Variants in CCNT2 observed in about 807,000 individuals in gnomAD.
CCNT2 encodes cyclin T2.
Under a neutral mutation model 70.0 loss-of-function variants are expected in CCNT2, and 18 were observed. The ratio of observed to expected loss-of-function variants is 0.26; its 90% CI spans 0.18 to 0.38. The LOEUF (loss-of-function observed/expected upper bound fraction) is 0.38. Ranked by LOEUF, CCNT2 falls within the 10% of genes least tolerant of loss-of-function variation. The pLI is 1.00. For missense variants in CCNT2, 734 were observed against 890.2 expected, an observed-to-expected ratio of 0.82 and a Z score of 2.23; for synonymous variants, 334 against 313.3, an observed-to-expected ratio of 1.07 and a Z score of -0.70.
At chr2:134,919,125 C>T in intron 1 of CCNT2, 113 bp downstream of exon 1, 1 of 1,225,062 alleles carries the variant, frequency 8.2e-7, no homozygotes, top group Admixed American at 2.7e-5. Context: ...GCCTCGGCGC[C>T]GCGGTCAGGG....
intron 2 of CCNT2, among the ~76,000 whole-genome samples, chr2:134,924,821 T>G (rs1011314866): frequency 6.6e-6 from 1 of 152,160 alleles, no homozygotes; most frequent in Non-Finnish European, 1.5e-5. Flanking sequence ...ACCATAGACC[T>G]TGCTCATTAT....
Position 134,938,975 on chromosome 2 carries a change from CAATTTGATAATATTTTT to C in CCNT2, c.370-25_370-9del. On this transcript the variant is annotated splice_polypyrimidine_tract_variant and intron_variant, in intron 3 of 8. Transcript: ENST00000264157. ...CTAGTAATGTTATTTTTATTTTAAT[CAATTTGATAATATTTTT>C]ATCTGACAGGCTTACCTTCAACAGA... is the stretch of plus-strand genomic sequence containing the variant. The C allele has an allele frequency of 1.4e-6, 2 of 1,473,394 alleles. No homozygotes were observed. The highest frequency in any genetic ancestry group is 1.9e-6 in the Non-Finnish European group (2 of 1,054,656). 91.3% of individuals were successfully genotyped at this position (1,473,394 alleles called of 1,614,324 possible).
intron 4 of CCNT2, 60 bp downstream of exon 4, chr2:134,939,122 A>T (rs1203959469): frequency 5.4e-6 from 6 of 1,107,174 alleles, no homozygotes; most frequent in African/African-American, 3.1e-5. Context: ...ATTCTAAATA[A>T]GTGAAAAGAT....
chr2:134,944,150 C>T, intron 5 of CCNT2: 1 of 983,924 alleles, frequency 1.0e-6, no homozygotes, highest in Non-Finnish European at 1.2e-6. Context: ...ATGGTTATAT[C>T]AGCGTGTTTT....
intron 3 of CCNT2, among the ~76,000 whole-genome samples, chr2:134,937,435 T>A (rs1043185303): frequency 1.3e-5 from 2 of 152,234 alleles, no homozygotes; most frequent in East Asian, 3.8e-4. Flanking sequence ...CTCTGATACA[T>A]AAAGCTGCAT....
At chr2:134,942,558 C>T in intron 4 of CCNT2, 54 bp from the exon 5 acceptor site, 1 of 1,254,276 alleles carries the variant, frequency 8.0e-7, no homozygotes, top group Non-Finnish European at 1.1e-6. Flanking sequence ...TGGCATTTCT[C>T]AGGCAAGTAC....
chr2:134,939,496 C>T (rs964363312), intron 4 of CCNT2, among the ~76,000 whole-genome samples: 27 of 152,022 alleles, frequency 1.8e-4, no homozygotes, highest in African/African-American at 6.3e-4. Context: ...GACGGAGTCT[C>T]GCTCTGTCGC....
intron 5 of CCNT2, 91 bp downstream of exon 5, chr2:134,942,765 G>T: frequency 7.1e-7 from 1 of 1,413,032 alleles, no homozygotes; most frequent in South Asian, 1.4e-5. Flanking sequence ...CTAGCCTTTT[G>T]TTAGGTTTCA....
chr2:134,953,368 T>C lies in CCNT2; in HGVS notation c.913T>C (p.Ser305Pro), dbSNP rs758709203. 2.6e-5 allele frequency: 41 copies of C among 1,602,886 alleles called. No individual in the cohort carries two copies. The highest frequency in any genetic ancestry group is 3.2e-5 in the Non-Finnish European group (37 of 1,174,002). The part of the protein sequence containing the change: ...VPTNPSFQKP[S>P]TSAFPAPVPL... Reference sequence around the variant, plus strand: ...TACAAACCCAAGTTTTCAGAAACCATCTACATCAGCATTCCCTGCGCCAGT... The same window carrying C: ...TACAAACCCAAGTTTTCAGAAACCACCTACATCAGCATTCCCTGCGCCAGT... Residue 305 changes from serine to proline, a missense_variant, in exon 9 of 9, where the codon TCT becomes CCT. By Grantham distance (74) the Ser-to-Pro change is moderately conservative. Transcript: ENST00000264157.
chr2:134,942,587 GAA>G (rs750416111), intron 4 of CCNT2, 23 bp from the exon 5 acceptor site: 9 of 1,586,316 alleles, frequency 5.7e-6, no homozygotes, highest in Non-Finnish European at 7.8e-6. Context: ...TAAGAGATTG[GAA>G]AAAAAAGTGC....
chr2:134,952,927 CA>C (rs1682634637), intron 8 of CCNT2: 7 of 492,696 alleles, frequency 1.4e-5, no homozygotes, highest in Non-Finnish European at 2.1e-5. Flanking sequence ...GTGATTATGA[CA>C]AAAGTATCCT....
chr2:134,919,632 G>T (rs1477053572), intron 1 of CCNT2, among the ~76,000 whole-genome samples, 178 bp from the exon 2 acceptor site: 1 of 152,066 alleles, frequency 6.6e-6, no homozygotes, highest in East Asian at 1.9e-4. Flanking sequence ...TTTATTTGGC[G>T]TCAAGCCTAT....
In CCNT2 at chr2:134,944,377, T is replaced by C. The variant is rs188199354; in HGVS notation, c.493+1703T>C. 560 of 966,882 alleles carry C rather than the reference T, an allele frequency of 5.8e-4. 1 individual carries two copies. Among genetic ancestry groups the C allele is most frequent in the Non-Finnish European group, 6.2e-4 (501 of 813,218 alleles). The allele number at this position is 966,882 out of a possible 1,614,324, so 59.9% of individuals were successfully genotyped here. The stretch of plus-strand genomic sequence containing the variant: ...AAGTACTAGTATATGTTTAAAAATA[T>C]TACTTGTGAATATTAACTTAGGAAA... On this transcript the variant is annotated intron_variant, in intron 5 of 8. Coordinates refer to ENST00000264157, the MANE Select transcript of CCNT2 (RefSeq NM_058241.3).
chr2:134,943,647 T>A, intron 5 of CCNT2: 4 of 982,014 alleles, frequency 4.1e-6, no homozygotes, highest in Non-Finnish European at 4.8e-6. Context: ...TGGTAGTATC[T>A]GATACAGCAT....
Position 134,954,481 on chromosome 2 carries a change from G to T in CCNT2, c.2026G>T (p.Val676Leu), listed in dbSNP as rs1161397670. The T allele has an allele frequency of 1.2e-6, 2 of 1,613,918 alleles. No individual in the cohort carries two copies. Among genetic ancestry groups the T allele is most frequent in the Non-Finnish European group, 8.5e-7 (1 of 1,180,000 alleles). The change falls in exon 9 of 9, where the codon GTG becomes TTG. Residue 676 changes from valine to leucine, a missense_variant. By Grantham distance (32) the Val-to-Leu change is conservative. This residue lies in a region of CCNT2 where 532 missense variants were observed against 556.9 expected (regional missense o/e 0.96). Coordinates refer to ENST00000264157, the MANE Select transcript of CCNT2 (RefSeq NM_058241.3). The stretch of plus-strand genomic sequence containing the variant: ...CCCTCCTCCCCCTGTCACATACCAG[G>T]TGGGCTACGGACATCTCAGCACCCT... ...LPPPPPVTYQ[V>L]GYGHLSTLVK...
rs1369623181 is a variant in CCNT2, at chr2:134,958,619, A to G, written c.*3971A>G. ...CGTTAATATCAGAAATCAGTGAGCA[A>G]CCTAATTGCTGTAAGCTGACATACA... On this transcript the variant is annotated 3_prime_UTR_variant, in exon 9 of 9. Transcript: ENST00000264157. 1 of 152,252 alleles carries G rather than the reference A, an allele frequency of 6.6e-6. No homozygotes were observed. Among genetic ancestry groups the G allele is most frequent in the African/African-American group, 2.4e-5 (1 of 41,456 alleles). The allele number at this position is 152,252 out of a possible 1,614,324, so 9.4% of individuals were successfully genotyped here. A position where few individuals can be genotyped will look rare whatever the true frequency, so the allele number is the denominator to read the frequency against.
intron 4 of CCNT2, among the ~76,000 whole-genome samples, chr2:134,940,856 T>C (rs562238720): frequency 2.6e-5 from 4 of 152,280 alleles, no homozygotes; most frequent in African/African-American, 9.6e-5. Context: ...CAAAAAAAAG[T>C]TGAATTGTTT....
intron 2 of CCNT2, among the ~76,000 whole-genome samples, chr2:134,935,976 C>T (rs182440734): frequency 6.6e-6 from 1 of 151,812 alleles, no homozygotes; most frequent in East Asian, 1.9e-4. Flanking sequence ...CCTTACTTTG[C>T]CCTCTAGGTG....
rs774154076 is a variant in CCNT2 at position 134,954,788 on chromosome 2, A to T, written c.*140A>T. ...ATTTGTAAGTGCTGCTTTATTCTTC[A>T]TTCTGAAAAGAAGAGATTATAGTAA... is the stretch of plus-strand genomic sequence containing the variant. On this transcript the variant is annotated 3_prime_UTR_variant, in exon 9 of 9. Coordinates refer to ENST00000264157, the MANE Select transcript of CCNT2 (RefSeq NM_058241.3). 10 of 606,972 alleles carry T rather than the reference A, an allele frequency of 1.6e-5. No homozygotes were observed. The Admixed American group carries it at 2.0e-4, about 12-fold the overall frequency. The allele number at this position is 606,972 out of a possible 1,614,324, so 37.6% of individuals were successfully genotyped here.
Sources: gnomAD v4.1 joint callset for allele counts (sites outside exome capture counted in the v4.1 genomes callset) on GRCh38, gnomAD v4.1.1 for gene constraint, gnomAD v4.1.1 regional missense constraint, MANE v1.5 for transcripts, NCBI Gene and HGNC (gene_info 2026-07-23, HGNC 2026-07-21) for gene names.